Variants in LMTK2 observed in about 807,000 individuals in gnomAD.
LMTK2 encodes the protein lemur tail kinase 2, also known as serine/threonine-protein kinase LMTK2.
In LMTK2, 37 loss-of-function variants were observed where a neutral mutation model predicts 127.5. That is an observed-to-expected ratio of 0.29 (90% CI 0.22 to 0.38). LMTK2 has a LOEUF of 0.38. Ranked by LOEUF, LMTK2 falls within the 10% of genes least tolerant of loss-of-function variation. The probability of loss-of-function intolerance (pLI) is 1.00; values close to 1 mark genes in which losing one functional copy is unlikely to be tolerated. For synonymous variants in LMTK2, 819 were observed against 810.1 expected, an observed-to-expected ratio of 1.01 and a Z score of -0.19; for missense variants, 1,694 against 1,920.3, an observed-to-expected ratio of 0.88 and a Z score of 2.20.
Position 98,132,566 on chromosome 7 carries a change from A to C in LMTK2, c.104-4749A>C, listed in dbSNP as rs112760138. Reference sequence around the variant, plus strand: ...ACCCAACCACCAACTCATTTTTTAAAAACTGGCAAAGAGAAAGATTGAAGT... The same window carrying C: ...ACCCAACCACCAACTCATTTTTTAACAACTGGCAAAGAGAAAGATTGAAGT... On this transcript the variant is annotated intron_variant, in intron 1 of 13. Transcript: ENST00000297293. 5.2e-3 allele frequency among the ~76,000 whole-genome samples: 798 copies of C among 152,082 alleles called. 4 individuals carry two copies. The highest frequency in any genetic ancestry group is 7.7e-3 in the Non-Finnish European group (524 of 67,992).
At chr7:98,109,762 AAGAAAG>A (rs1248622855) in intron 1 of LMTK2, among the ~76,000 whole-genome samples, 2 of 151,526 alleles carry the variant, frequency 1.3e-5, no homozygotes, top group African/African-American at 4.8e-5. Context: ...AAAAAAAAAA[AAGAAAG>A]GAAGATGCAC....
Position 98,191,827 on chromosome 7 carries a change from G to T in LMTK2, c.1362G>T (p.Arg454=), listed in dbSNP as rs750890663. Residue 454 remains arginine (R), a synonymous_variant, in exon 11 of 14, where the codon CGG becomes CGT. Transcript: ENST00000297293. ...FPILDHFARD[R]LGREMEEVLT... is the part of the protein sequence containing the mutation. ...TTCTCGACCACTTTGCCAGGGACCG[G>T]CTGGGTCGTGAAATGGAGGAAGTCC... 1 of 1,614,134 alleles carries T rather than the reference G, an allele frequency of 6.2e-7. No individual in the cohort carries two copies. The highest frequency in any genetic ancestry group is 1.1e-5 in the South Asian group (1 of 91,072).
chr7:98,177,727 G>A (rs1797297434), intron 7 of LMTK2, among the ~76,000 whole-genome samples: 1 of 150,592 alleles, frequency 6.6e-6, no homozygotes, highest in South Asian at 2.1e-4. Context: ...CCCTGTGGAA[G>A]AACTCTGTGT....
chr7:98,157,631 C>T (rs1223701638), intron 5 of LMTK2, among the ~76,000 whole-genome samples: 2 of 138,182 alleles, frequency 1.4e-5, no homozygotes, highest in South Asian at 4.9e-4. Flanking sequence ...TGGAGCACTG[C>T]TCCCACATTA....
intron 3 of LMTK2, among the ~76,000 whole-genome samples, chr7:98,146,811 G>A (rs188263968): frequency 1.3e-5 from 2 of 152,232 alleles, no homozygotes; most frequent in East Asian, 1.9e-4. Context: ...AACGGCTTTC[G>A]TATTTACCTA....
rs1167910949 is a variant in LMTK2, at chr7:98,192,046, G to C, written c.1581G>C (p.Gln527His). 1 of 1,602,972 alleles carries C rather than the reference G, an allele frequency of 6.2e-7. No individual in the cohort carries two copies. The highest frequency in any genetic ancestry group is 1.1e-5 in the South Asian group (1 of 89,976). ...PGPGKQDDSG[Q>H]DVPLRVPGVV... Reference sequence around the variant, plus strand: ...CCGGAAAGCAAGATGACAGCGGCCAGGATGTCCCCCTGAGGGTCCCTGGAG... The same window carrying C: ...CCGGAAAGCAAGATGACAGCGGCCACGATGTCCCCCTGAGGGTCCCTGGAG... The change falls in exon 11 of 14, where the codon CAG becomes CAC. Residue 527 changes from glutamine to histidine, a missense_variant. Gln to His is a conservative substitution (Grantham distance 24). Transcript: ENST00000297293.
chr7:98,185,937 G>A (rs182538395), intron 8 of LMTK2, among the ~76,000 whole-genome samples: 1 of 152,026 alleles, frequency 6.6e-6, no homozygotes, highest in African/African-American at 2.4e-5. Flanking sequence ...AGGACCAAAC[G>A]GGTAATATTT....
chr7:98,191,013 C>T, intron 10 of LMTK2, 136 bp downstream of exon 10: 1 of 837,632 alleles, frequency 1.2e-6, no homozygotes, highest in East Asian at 2.5e-5. Flanking sequence ...AGCTGAACTA[C>T]TTAATGTGGT....
In LMTK2 at chr7:98,193,310, A is replaced by G; in HGVS notation, c.2845A>G (p.Thr949Ala). 6.2e-7 allele frequency: 1 copy of G among 1,613,992 alleles called. No homozygotes were observed. The highest frequency in any genetic ancestry group is 1.1e-5 in the South Asian group (1 of 91,074). The change falls in exon 11 of 14, where the codon ACT (threonine) becomes GCT (alanine). Residue 949 changes from threonine to alanine, a missense_variant. Thr to Ala is a moderately conservative substitution (Grantham distance 58, BLOSUM62 0). This residue lies in a region of LMTK2 where 527 missense variants were observed against 539.8 expected (regional missense o/e 0.98). Coordinates refer to ENST00000297293, the MANE Select transcript of LMTK2 (RefSeq NM_014916.4). The surrounding 1 kb of genome is among the most constrained non-coding windows in gnomAD (Gnocchi z 4.1). ...RLEKNLEAVE[T>A]LNQLNSKDAA... ...AGAGAAAAACTTAGAGGCTGTGGAG[A>G]CTTTAAATCAGCTCAATTCTAAAGA...
rs538252717 is a variant in LMTK2 at position 98,137,409 on chromosome 7, A to G, written c.198A>G (p.Val66=). The change falls in exon 2 of 14, where the codon GTA becomes GTG. Residue 66 remains valine, a synonymous_variant. Coordinates refer to ENST00000297293, the MANE Select transcript of LMTK2 (RefSeq NM_014916.4). ...TAATAGTGTTAATTGCAAACTGTGT[A>G]TCCTGCTGTAAGGACCCAGAAATAG... ...IILIVLIANC[V]SCCKDPEIDF... 6.2e-7 allele frequency: 1 copy of G among 1,613,912 alleles called. No homozygotes were observed. The highest frequency in any genetic ancestry group is 1.1e-5 in the South Asian group (1 of 91,028).
intron 3 of LMTK2, among the ~76,000 whole-genome samples, chr7:98,143,946 TAAAAGG>T (rs1047172880): frequency 6.6e-6 from 1 of 152,222 alleles, no homozygotes; most frequent in African/African-American, 2.4e-5. Context: ...TGTGTTCCTA[TAAAAGG>T]ATCAAGGTGA....
At chr7:98,183,064 C>T (rs1317666800) in intron 7 of LMTK2, among the ~76,000 whole-genome samples, 1 of 152,210 alleles carries the variant, frequency 6.6e-6, no homozygotes, top group Admixed American at 6.5e-5. Context: ...TAAAGCATCA[C>T]ATGACAGATA....
chr7:98,148,487 C>T (rs1176814046), intron 3 of LMTK2, among the ~76,000 whole-genome samples: 10 of 141,824 alleles, frequency 7.1e-5, no homozygotes, highest in East Asian at 2.3e-4. Context: ...AGCGAGACTC[C>T]GTCTCAAAAA....
intron 3 of LMTK2, among the ~76,000 whole-genome samples, chr7:98,146,708 C>T (rs1796778797): frequency 1.3e-5 from 2 of 152,076 alleles, no homozygotes; most frequent in African/African-American, 4.8e-5. Flanking sequence ...CATTTTGTGC[C>T]TATTAACACA....
At chr7:98,132,242 T>C (rs1253802270) in intron 1 of LMTK2, among the ~76,000 whole-genome samples, 1 of 151,954 alleles carries the variant, frequency 6.6e-6, no homozygotes, top group Non-Finnish European at 1.5e-5. Flanking sequence ...TGCCAGAGGA[T>C]GCTAGTGAAC....
At chr7:98,178,484 G>A (rs1195711728) in intron 7 of LMTK2, among the ~76,000 whole-genome samples, 1 of 152,170 alleles carries the variant, frequency 6.6e-6, no homozygotes, top group Non-Finnish European at 1.5e-5. Flanking sequence ...CTCAGTCACA[G>A]CAAGTGCTGC....
intron 11 of LMTK2, among the ~76,000 whole-genome samples, chr7:98,199,204 C>T (rs911778391): frequency 4.6e-5 from 7 of 151,792 alleles, no homozygotes; most frequent in African/African-American, 1.5e-4. Flanking sequence ...GTGGGTGGAT[C>T]GTTCTATAAA....
At chr7:98,166,632 A>T (rs1023598503) in intron 6 of LMTK2, among the ~76,000 whole-genome samples, 7 of 152,224 alleles carry the variant, frequency 4.6e-5, no homozygotes, top group African/African-American at 1.7e-4. Context: ...TGAGCCCAGG[A>T]GGTCAAGGCT....
chr7:98,203,020 G>C lies in LMTK2; in HGVS notation c.4108-554G>C, dbSNP rs548546380. The stretch of plus-strand genomic sequence containing the variant: ...TCCCGCTCGTGATCACAGTCCTCCA[G>C]TGGAGAGGAGGCTTCATGGCCCTCA... On this transcript the variant is annotated intron_variant, in intron 11 of 13. Coordinates refer to ENST00000297293, the MANE Select transcript of LMTK2 (RefSeq NM_014916.4). 7.9e-5 allele frequency among the ~76,000 whole-genome samples: 12 copies of C among 152,334 alleles called. No individual in the cohort carries two copies. The South Asian group carries it at 2.5e-3, about 32-fold the overall frequency.
Sources: gnomAD v4.1 joint callset for allele counts (sites outside exome capture counted in the v4.1 genomes callset) on GRCh38, gnomAD v4.1.1 for gene constraint, gnomAD v4.1.1 regional missense constraint, Gnocchi (gnomAD v3.1) non-coding constraint, MANE v1.5 for transcripts, NCBI Gene and HGNC (gene_info 2026-07-23, HGNC 2026-07-21) for gene names.